Variants in AOPEP observed in about 807,000 individuals in gnomAD.
The protein encoded by AOPEP is aminopeptidase O (putative), also known as aminopeptidase O.
A neutral mutation model predicts 98.1 loss-of-function variants in AOPEP; 77 were observed. The ratio of observed to expected loss-of-function variants is 0.78; its 90% CI spans 0.65 to 0.95. The LOEUF (loss-of-function observed/expected upper bound fraction) is 0.95. AOPEP is among the 40% of genes least tolerant of loss of function. AOPEP has a pLI of 0.00. For synonymous variants in AOPEP, 346 were observed against 365.3 expected (o/e 0.95, Z 0.60); for missense variants, 1,024 against 1,024.7 (o/e 1.00, Z 0.01).
the AOPEP span, among the ~76,000 whole-genome samples, chr9:95,139,394 G>GC: frequency 6.6e-6 from 1 of 152,278 alleles, no homozygotes; most frequent in Middle Eastern, 3.4e-3. Context: ...AAGACACACA[G>GC]CCCCGTGTTA....
At chr9:94,823,673 A>G (rs1183311564) in intron 5 of AOPEP, among the ~76,000 whole-genome samples, 1 of 151,974 alleles carries the variant, frequency 6.6e-6, no homozygotes, top group African/African-American at 2.4e-5. Flanking sequence ...GGAGGTGTAG[A>G]TTGAGCAAGC....
intron 4 of AOPEP, among the ~76,000 whole-genome samples, chr9:94,797,587 C>T (rs1347852426): frequency 6.6e-6 from 1 of 151,922 alleles, no homozygotes; most frequent in Non-Finnish European, 1.5e-5. Flanking sequence ...AATTAACATA[C>T]AACAAAACGT....
In AOPEP at chr9:94,943,681, C is replaced by T. The variant is rs529701900; in HGVS notation, c.1662-11496C>T. ...TGCCTGTAATCCCAGCACTTTGGGA[C>T]GCTGAGGCGGGCAGATCACTTGAGG... On this transcript the variant is annotated intron_variant, in intron 7 of 16. Transcript: ENST00000375315. Among the ~76,000 whole-genome samples, 27 of 145,122 alleles carry T rather than the reference C, an allele frequency of 1.9e-4. No homozygotes were observed. The South Asian group carries it at 4.9e-3, about 26-fold the overall frequency.
At chr9:95,007,261 AG>A (rs2062100820) in intron 13 of AOPEP, among the ~76,000 whole-genome samples, 1 of 152,100 alleles carries the variant, frequency 6.6e-6, no homozygotes. Flanking sequence ...GTAGAAAGGA[AG>A]GGGAAGCCAT....
chr9:95,082,098 G>A (rs1416728640), intron 15 of AOPEP, among the ~76,000 whole-genome samples: 6 of 152,068 alleles, frequency 3.9e-5, no homozygotes, highest in Admixed American at 6.5e-5. Context: ...TGTCTCTGCC[G>A]CGGCTGCTGC....
downstream of AOPEP, among the ~76,000 whole-genome samples, chr9:95,091,821 C>T (rs905768707): frequency 1.3e-5 from 2 of 152,126 alleles, no homozygotes; most frequent in Non-Finnish European, 2.9e-5. Flanking sequence ...AGGAAACCAC[C>T]GTAAAGCCAC....
intron 5 of AOPEP, among the ~76,000 whole-genome samples, chr9:94,887,050 G>A (rs2048319931): frequency 6.6e-6 from 1 of 152,080 alleles, no homozygotes; most frequent in Non-Finnish European, 1.5e-5. Context: ...TTTAACTCAT[G>A]TCAGGTAAGG....
chr9:94,764,105 T>C (rs543450316), intron 2 of AOPEP, among the ~76,000 whole-genome samples: 1 of 152,300 alleles, frequency 6.6e-6, no homozygotes, highest in Middle Eastern at 3.4e-3. Context: ...AAGGTCAATA[T>C]CAATAGTGAT....
intron 13 of AOPEP, among the ~76,000 whole-genome samples, chr9:95,035,361 A>C (rs1280066374): frequency 6.6e-6 from 1 of 152,116 alleles, no homozygotes; most frequent in African/African-American, 2.4e-5. Flanking sequence ...TAACAGTTTG[A>C]TGCAATCAAG....
At chr9:94,997,523 T>A (rs2061317724) in intron 11 of AOPEP, among the ~76,000 whole-genome samples, 1 of 152,104 alleles carries the variant, frequency 6.6e-6, no homozygotes, top group African/African-American at 2.4e-5. Context: ...TCCTGAGGGG[T>A]GGAGGTGCTT....
intron 13 of AOPEP, among the ~76,000 whole-genome samples, chr9:95,035,131 CAT>C (rs1267624846): frequency 1.3e-5 from 2 of 152,028 alleles, no homozygotes; most frequent in African/African-American, 4.8e-5. Flanking sequence ...TCCCCCACCC[CAT>C]GACAGGCCCC....
the AOPEP span, among the ~76,000 whole-genome samples, chr9:95,127,705 GC>G: frequency 6.6e-6 from 1 of 152,188 alleles, no homozygotes; most frequent in African/African-American, 2.4e-5. Context: ...CTGTTCACAG[GC>G]CCCCGTCGGC....
intron 4 of AOPEP, among the ~76,000 whole-genome samples, chr9:94,793,270 C>G (rs1199380933): frequency 1.3e-5 from 2 of 152,022 alleles, no homozygotes; most frequent in African/African-American, 2.4e-5. Flanking sequence ...ATGGCTTGAA[C>G]CCGGGAGGCA....
At chr9:95,050,168 A>G (rs142735442) in intron 13 of AOPEP, among the ~76,000 whole-genome samples, 1 of 152,362 alleles carries the variant, frequency 6.6e-6, no homozygotes, top group East Asian at 1.9e-4. Context: ...TTTGTGCAAA[A>G]TGTGTAACTT....
rs56889333 is a variant in AOPEP at position 95,075,668 on chromosome 9, CCCAGGAGTTTGAGA to C, written c.2233-5021_2233-5008del. 3.1e-3 allele frequency among the ~76,000 whole-genome samples: 465 copies of C among 152,236 alleles called. 2 individuals are homozygous for C. Among genetic ancestry groups the C allele is most frequent in the African/African-American group, 0.011 (451 of 41,528 alleles). On this transcript the variant is annotated intron_variant, in intron 14 of 16. Transcript: ENST00000375315. ...GCTTAAGGTGGGAAGATGGCTTGAG[CCCAGGAGTTTGAGA>C]CCAGCCTGGGCAACAATAAGAGACC...
chr9:94,755,332 T>C (rs750620825), intron 1 of AOPEP, among the ~76,000 whole-genome samples: 11 of 152,230 alleles, frequency 7.2e-5, no homozygotes, highest in Non-Finnish European at 1.5e-4. Context: ...GGTGGCCACA[T>C]ACATGCATTT....
chr9:94,773,238 A>T, intron 3 of AOPEP, 70 bp downstream of exon 3: 1 of 1,370,810 alleles, frequency 7.3e-7, no homozygotes, highest in Non-Finnish European at 1.0e-6. Flanking sequence ...AATAAACAGT[A>T]TTTTTCTAAA....
At chr9:95,112,013 G>A in the AOPEP span, among the ~76,000 whole-genome samples, 1 of 152,244 alleles carries the variant, frequency 6.6e-6, no homozygotes, top group Admixed American at 6.5e-5. Flanking sequence ...GTGGAGGGTA[G>A]GACGCAGGCA....
the AOPEP span, among the ~76,000 whole-genome samples, chr9:95,103,446 G>A: frequency 1.3e-5 from 2 of 152,220 alleles, no homozygotes; most frequent in Non-Finnish European, 2.9e-5. Flanking sequence ...TGTTGTTGCT[G>A]TGGCCCAGCA....
Sources: gnomAD v4.1 joint callset for allele counts (sites outside exome capture counted in the v4.1 genomes callset) on GRCh38, gnomAD v4.1.1 for gene constraint, MANE v1.5 for transcripts, NCBI Gene and HGNC (gene_info 2026-07-23, HGNC 2026-07-21) for gene names.